PLEKHH1: variants seen among roughly 807,000 people sequenced by gnomAD.
PLEKHH1 encodes the protein pleckstrin homology domain-containing family H member 1.
PLEKHH1 carries 104 observed loss-of-function variants against 160.0 expected under a neutral mutation model. The ratio of observed to expected loss-of-function variants is 0.65; its 90% CI spans 0.55 to 0.76. PLEKHH1 has a LOEUF of 0.76. Among genes scored for constraint, PLEKHH1 ranks in the 30% least tolerant of loss-of-function variants. The probability of loss-of-function intolerance (pLI) is 0.00; values close to 1 mark genes in which losing one functional copy is unlikely to be tolerated. For missense variants in PLEKHH1, 1,427 were observed against 1,724.1 expected (o/e 0.83, Z 3.05); for synonymous variants, 619 against 678.4 (o/e 0.91, Z 1.36).
intron 2 of PLEKHH1, among the ~76,000 whole-genome samples, chr14:67,554,072 C>T (rs572148754): frequency 6.6e-6 from 1 of 152,076 alleles, no homozygotes; most frequent in East Asian, 1.9e-4. Context: ...ACTCTCTGTC[C>T]AAGGGAATGT....
intron 2 of PLEKHH1, among the ~76,000 whole-genome samples, chr14:67,555,251 C>T (rs1186704201): frequency 2.0e-5 from 3 of 152,180 alleles, no homozygotes; most frequent in Non-Finnish European, 4.4e-5. Flanking sequence ...GTATCTTGAG[C>T]CTCTCTTTCT....
intron 8 of PLEKHH1, 119 bp downstream of exon 8, chr14:67,569,335 C>T: frequency 7.7e-6 from 5 of 652,370 alleles, no homozygotes; most frequent in Middle Eastern, 2.8e-4. Context: ...ACCCTGTTCC[C>T]CTCCCCAGCA....
At position 67,573,925 on chromosome 14, in the gene PLEKHH1, G is replaced by T; in HGVS notation, c.1926+38G>T. 6.8e-7 allele frequency: 1 copy of T among 1,470,586 alleles called. No individual in the cohort carries two copies. Among genetic ancestry groups the T allele is most frequent in the Non-Finnish European group, 9.5e-7 (1 of 1,048,688 alleles). The allele number at this position is 1,470,586 out of a possible 1,614,324, so 91.1% of individuals were successfully genotyped here. ...CTGGCTGCTAGTATTTTAAACAGAA[G>T]AGGTGCTGGGTTTGGATATGGCCGT... is the stretch of plus-strand genomic sequence containing the variant. On this transcript the variant is annotated intron_variant, in intron 13 of 28. Coordinates refer to ENST00000329153, the MANE Select transcript of PLEKHH1 (RefSeq NM_020715.3). The surrounding 1 kb of genome is among the most constrained non-coding windows in gnomAD (Gnocchi z 4.8).
chr14:67,574,391 C>G lies in PLEKHH1; in HGVS notation c.2076C>G (p.Gly692=). The change falls in exon 14 of 29, where the codon GGC becomes GGG. Residue 692 remains glycine, a synonymous_variant. Transcript: ENST00000329153. This position sits in a 1 kb window ranked among gnomAD's most constrained non-coding sequence, Gnocchi z 4.2. ...GTGGCACCAAGCCCACCGTGAAGGGCTGGCTGACCAAGGTAGAGGGTGGGG... is the reference window on the plus strand; with the variant it reads ...GTGGCACCAAGCCCACCGTGAAGGGGTGGCTGACCAAGGTAGAGGGTGGGG... The part of the protein sequence containing the change: ...LRGGTKPTVK[G]WLTKVKHGHS... The G allele has an allele frequency of 6.4e-7, 1 of 1,574,322 alleles. No homozygotes were observed. The highest frequency in any genetic ancestry group is 1.2e-5 in the South Asian group (1 of 85,140).
In PLEKHH1 at chr14:67,579,194, C is replaced by T. The variant is rs754784796; in HGVS notation, c.2910C>T (p.Thr970=). The part of the protein sequence containing the change: ...CQRAVERTLR[T]GEREARPSRM... The stretch of plus-strand genomic sequence containing the variant: ...GGGCAGTGGAGCGGACCCTGCGGAC[C>T]GGGGAGCGGGAAGCCAGGCCATCGC... Residue 970 remains threonine (T), a synonymous_variant, in exon 21 of 29, where the codon ACC becomes ACT. Coordinates refer to ENST00000329153, the MANE Select transcript of PLEKHH1 (RefSeq NM_020715.3). The T allele has an allele frequency of 3.9e-5, 63 of 1,610,326 alleles. No homozygotes were observed. Among genetic ancestry groups the T allele is most frequent in the Middle Eastern group, 3.3e-4 (2 of 6,070 alleles).
chr14:67,585,880 A>G (rs1364623993), intron 27 of PLEKHH1, 71 bp from the exon 28 acceptor site: 4 of 1,487,542 alleles, frequency 2.7e-6, no homozygotes, highest in Non-Finnish European at 2.7e-6. Flanking sequence ...TAGAAGAGAC[A>G]GGGGATGCTG....
In PLEKHH1 at chr14:67,579,885, C is replaced by G. The variant is rs6573782; in HGVS notation, c.3183+9C>G. The G allele has an allele frequency of 6.3e-7, 1 of 1,588,722 alleles. No homozygotes were observed. Among genetic ancestry groups the G allele is most frequent in the South Asian group, 1.1e-5 (1 of 87,158 alleles). On this transcript the variant is annotated intron_variant, in intron 22 of 28. Transcript: ENST00000329153. ...TGCAGGGAAGTGTCAAGGTGACAGC[C>G]TCCCACTAAGCCAGCTGAGCCCCTC...
chr14:67,562,559 C>G lies in PLEKHH1; in HGVS notation c.928C>G (p.Leu310Val), dbSNP rs754236932. 6.2e-7 allele frequency: 1 copy of G among 1,611,824 alleles called. No homozygotes were observed. Among genetic ancestry groups the G allele is most frequent in the Non-Finnish European group, 8.5e-7 (1 of 1,178,288 alleles). ...CAGGGAAGGTGGTCCTGGCAGCAGTCTGACCCTACCAAAGGTGCGGGCTCC... is the reference window on the plus strand; with the variant it reads ...CAGGGAAGGTGGTCCTGGCAGCAGTGTGACCCTACCAAAGGTGCGGGCTCC... Reference protein sequence around the residue: ...SAREGGPGSSLTLPKVRAPGT... With the variant: ...SAREGGPGSSVTLPKVRAPGT... Residue 310 changes from leucine to valine, a missense_variant, in exon 7 of 29, where the codon CTG becomes GTG. Physicochemically the swap from Leu to Val is conservative, Grantham distance 32 (BLOSUM62 1). Coordinates refer to ENST00000329153, the MANE Select transcript of PLEKHH1 (RefSeq NM_020715.3).
intron 6 of PLEKHH1, 46 bp downstream of exon 6, chr14:67,562,081 G>T (rs2034863085): frequency 1.2e-6 from 2 of 1,604,870 alleles, no homozygotes; most frequent in African/African-American, 2.7e-5. Flanking sequence ...GTGTTTGGTG[G>T]GTATGGGGCT....
chr14:67,540,971 T>C (rs1327607518), intron 1 of PLEKHH1, among the ~76,000 whole-genome samples: 1 of 152,184 alleles, frequency 6.6e-6, no homozygotes, highest in Non-Finnish European at 1.5e-5. Flanking sequence ...TCTACTTGAT[T>C]TGTTCTGAAT....
At chr14:67,583,647 A>C in intron 24 of PLEKHH1, 94 bp from the exon 25 acceptor site, 1 of 866,928 alleles carries the variant, frequency 1.2e-6, no homozygotes, top group Non-Finnish European at 1.8e-6. Context: ...CCAATAGGGT[A>C]ATAAAGAAAT....
intron 17 of PLEKHH1, among the ~76,000 whole-genome samples, chr14:67,577,097 G>A (rs926673394): frequency 2.0e-5 from 3 of 152,120 alleles, no homozygotes; most frequent in Non-Finnish European, 2.9e-5. Context: ...GCCATTCCAC[G>A]AGAAAGGCCA....
intron 3 of PLEKHH1, among the ~76,000 whole-genome samples, 170 bp from the exon 4 acceptor site, chr14:67,557,099 T>G (rs2034624753): frequency 6.6e-6 from 1 of 152,224 alleles, no homozygotes; most frequent in South Asian, 2.1e-4. Context: ...AGTCCTTCTT[T>G]TGCTCAGATT....
Position 67,578,580 on chromosome 14 carries a change from A to T in PLEKHH1, c.2798A>T (p.His933Leu). 1 of 1,612,420 alleles carries T rather than the reference A, an allele frequency of 6.2e-7. No individual in the cohort carries two copies. The highest frequency in any genetic ancestry group is 1.7e-5 in the Admixed American group (1 of 59,832). Reference protein sequence around the residue: ...ALCAPLFLPQHHFLWYVKQQL... With the variant: ...ALCAPLFLPQLHFLWYVKQQL... The stretch of plus-strand genomic sequence containing the variant: ...TGTGCTCCACTTTTCCTGCCTCAGC[A>T]TCACTTCCTCTGGTATGTCAAGCAG... Residue 933 changes from histidine to leucine, a missense_variant, in exon 20 of 29, where the codon CAT (histidine) becomes CTT (leucine). Coordinates refer to ENST00000329153, the MANE Select transcript of PLEKHH1 (RefSeq NM_020715.3). This position sits in a 1 kb window ranked among gnomAD's most constrained non-coding sequence, Gnocchi z 5.0.
intron 18 of PLEKHH1, among the ~76,000 whole-genome samples, chr14:67,577,648 A>G (rs1169334386): frequency 1.3e-5 from 2 of 152,188 alleles, no homozygotes; most frequent in Non-Finnish European, 2.9e-5. Flanking sequence ...CTCTCCCTGG[A>G]GGAGCTCCCC....
rs1221462339 is a variant in PLEKHH1 at position 67,550,527 on chromosome 14, A to G, written c.127-5298A>G. Reference sequence around the variant, plus strand: ...TTGATAACAAGAGTTAGAACAATTTAATGGCTAAAACTGGGGGTTGCAAAC... The same window carrying G: ...TTGATAACAAGAGTTAGAACAATTTGATGGCTAAAACTGGGGGTTGCAAAC... On this transcript the variant is annotated intron_variant, in intron 2 of 28. Transcript: ENST00000329153. 2.6e-5 allele frequency among the ~76,000 whole-genome samples: 4 copies of G among 152,244 alleles called. No homozygotes were observed. In the East Asian group the frequency reaches 5.8e-4, roughly 22 times the overall value.
In PLEKHH1 at chr14:67,571,641, G is replaced by T. The variant is rs992796697; in HGVS notation, c.1435-111G>T. On this transcript the variant is annotated intron_variant, in intron 9 of 28. Coordinates refer to ENST00000329153, the MANE Select transcript of PLEKHH1 (RefSeq NM_020715.3). Reference sequence around the variant, plus strand: ...TGGACAGTTGTCTGTTCAGAGTCCCGGCTGGGGGTTGGCCACACCATGGGC... The same window carrying T: ...TGGACAGTTGTCTGTTCAGAGTCCCTGCTGGGGGTTGGCCACACCATGGGC... The T allele has an allele frequency of 1.4e-5, 15 of 1,055,276 alleles. No homozygotes were observed. The South Asian group carries it at 1.9e-4, about 14-fold the overall frequency. The allele number at this position is 1,055,276 out of a possible 1,614,324, so 65.4% of individuals were successfully genotyped here.
Position 67,585,957 on chromosome 14 carries a change from C to T in PLEKHH1, c.3793C>T (p.His1265Tyr), listed in dbSNP as rs748852091. 14 of 1,611,946 alleles carry T rather than the reference C, an allele frequency of 8.7e-6. No homozygotes were observed. The highest frequency in any genetic ancestry group is 2.7e-5 in the African/African-American group (2 of 74,910). ...GACTGGTTCCTTTCCACAGCAAGTG[C>T]ACATCACTTACCCCTACTCTTCAGT... ...SILDHNTMQVHITYPYSSVTT... is the reference protein window; with the variant it reads ...SILDHNTMQVYITYPYSSVTT... The change falls in exon 28 of 29, where the codon CAC (histidine) becomes TAC (tyrosine). Residue 1265 changes from histidine (H) to tyrosine (Y), a missense_variant. His to Tyr is a moderately conservative substitution (Grantham distance 83). Transcript: ENST00000329153.
intron 7 of PLEKHH1, among the ~76,000 whole-genome samples, chr14:67,566,809 A>T (rs1490631997): frequency 4.6e-5 from 7 of 151,072 alleles, no homozygotes; most frequent in Admixed American, 2.0e-4. Flanking sequence ...TATGTGTGTG[A>T]GAGAGAGGGT....
Sources: allele counts gnomAD v4.1 joint callset (sites outside exome capture counted in the v4.1 genomes callset), GRCh38; gene constraint gnomAD v4.1.1; non-coding constraint Gnocchi (gnomAD v3.1); transcripts MANE v1.5; gene names NCBI Gene and HGNC (gene_info 2026-07-23, HGNC 2026-07-21).